The following SDK1 variants were observed in gnomAD, a reference collection of about 807,000 sequenced individuals.
The protein encoded by SDK1 is protein sidekick-1.
In SDK1, 157 loss-of-function variants were observed where a neutral mutation model predicts 245.5. That is an observed-to-expected ratio of 0.64 (90% CI 0.56 to 0.73). The LOEUF is 0.73. Ranked by LOEUF, SDK1 falls within the 30% of genes least tolerant of loss-of-function variation. SDK1 has a pLI of 0.00. For synonymous variants in SDK1, 1,647 were observed against 1,278.5 expected, an observed-to-expected ratio of 1.29 and a Z score of -6.15; for missense variants, 3,583 against 3,002.3, an observed-to-expected ratio of 1.19 and a Z score of -4.52.
intron 4 of SDK1, among the ~76,000 whole-genome samples, chr7:3,796,571 A>G (rs1778966573): frequency 6.6e-6 from 1 of 152,052 alleles, no homozygotes; most frequent in Non-Finnish European, 1.5e-5. Context: ...CTCCACTTTC[A>G]GTACATAGCC....
chr7:3,629,032 C>G (rs539919203), intron 2 of SDK1, among the ~76,000 whole-genome samples: 108 of 152,074 alleles, frequency 7.1e-4, no homozygotes, highest in African/African-American at 2.5e-3. Flanking sequence ...GTGGCTCACA[C>G]CTATAATCCC....
At chr7:3,677,960 G>A (rs1365896588) in intron 4 of SDK1, among the ~76,000 whole-genome samples, 5 of 152,154 alleles carry the variant, frequency 3.3e-5, no homozygotes, top group African/African-American at 1.2e-4. Context: ...AACAAACAAA[G>A]TATTTCCCCA....
intron 44 of SDK1, among the ~76,000 whole-genome samples, chr7:4,260,243 G>A (rs1429260373): frequency 2.1e-5 from 3 of 144,968 alleles, no homozygotes; most frequent in East Asian, 2.1e-4. Context: ...TGTGTTCATC[G>A]TCACCTGATG....
At chr7:4,107,111 CAGGGTGGGGAGGGTGGGGAGGGTGGGG>C (rs545680435) in intron 22 of SDK1, among the ~76,000 whole-genome samples, 2,019 of 31,228 alleles carry the variant, frequency 0.065, 44 homozygotes, top group South Asian at 0.17. Flanking sequence ...TACACACATC[CAGGGTGGGGAGGGTGGGGAGGGTGGGG>C]AGGGTGGGGA....
chr7:3,535,514 A>G (rs938414370), intron 1 of SDK1, among the ~76,000 whole-genome samples: 5 of 152,074 alleles, frequency 3.3e-5, no homozygotes, highest in African/African-American at 4.8e-5. Context: ...CAGTCATACT[A>G]TTCTTTAGTA....
At chr7:4,094,784 C>T (rs1782041486) in intron 22 of SDK1, among the ~76,000 whole-genome samples, 1 of 152,134 alleles carries the variant, frequency 6.6e-6, no homozygotes, top group East Asian at 1.9e-4. Flanking sequence ...TCACTCAAGC[C>T]TAAGACCTGA....
At chr7:3,456,141 C>T (rs1780657780) in intron 1 of SDK1, among the ~76,000 whole-genome samples, 2 of 152,186 alleles carry the variant, frequency 1.3e-5, no homozygotes, top group South Asian at 2.1e-4. Context: ...TTGTTTTTCT[C>T]ACTGATTTCA....
intron 4 of SDK1, among the ~76,000 whole-genome samples, chr7:3,740,595 G>C (rs765760773): frequency 6.6e-6 from 1 of 152,176 alleles, no homozygotes; most frequent in Non-Finnish European, 1.5e-5. Flanking sequence ...ATCCCCCTTA[G>C]TGGCTTCAAG....
chr7:3,801,875 T>A (rs917800506), intron 4 of SDK1, among the ~76,000 whole-genome samples: 2 of 152,188 alleles, frequency 1.3e-5, no homozygotes, highest in African/African-American at 4.8e-5. Flanking sequence ...AACATTTGTG[T>A]CTCCCTGAAA....
At position 3,587,457 on chromosome 7, in the gene SDK1, G is replaced by A. The variant is rs537209353; in HGVS notation, c.299-31623G>A. On this transcript the variant is annotated intron_variant, in intron 1 of 44. Transcript: ENST00000404826. ...AGTTCAGGAGTGTTAGAGCCAGAGA[G>A]CCAAGGGTACAGGTTCCAGTATGAG... Among the ~76,000 whole-genome samples the A allele has an allele frequency of 2.6e-3, 398 of 152,164 alleles. 3 individuals carry two copies. The highest frequency in any genetic ancestry group is 9.4e-3 in the African/African-American group (389 of 41,498).
intron 40 of SDK1, among the ~76,000 whole-genome samples, chr7:4,225,585 C>A (rs1015447425): frequency 6.6e-6 from 1 of 152,196 alleles, no homozygotes. Context: ...GCCGGCTGCA[C>A]GAAGGGAACA....
intron 40 of SDK1, among the ~76,000 whole-genome samples, chr7:4,231,972 G>A (rs995644607): frequency 2.7e-5 from 4 of 150,866 alleles, no homozygotes; most frequent in Non-Finnish European, 5.9e-5. Context: ...TCTCATAGCT[G>A]CACCTAGAAA....
chr7:4,264,110 C>G (rs113135352), intron 44 of SDK1, among the ~76,000 whole-genome samples: 1,218 of 71,476 alleles, frequency 0.017, no homozygotes, highest in Non-Finnish European at 0.021. Context: ...CCGCGTAGAC[C>G]TCTCCTGAGT....
At chr7:4,058,880 A>T (rs137952184) in intron 19 of SDK1, among the ~76,000 whole-genome samples, 2 of 152,200 alleles carry the variant, frequency 1.3e-5, no homozygotes, top group Non-Finnish European at 2.9e-5. Context: ...TGAAAGAACA[A>T]TATCTACCAT....
At chr7:3,358,429 GT>G (rs10713399) in intron 1 of SDK1, among the ~76,000 whole-genome samples, 51,733 of 145,904 alleles carry the variant, frequency 0.35, 8,966 homozygotes, top group African/African-American at 0.41. Context: ...TCATTACAAC[GT>G]TTTTTTTTTT....
intron 4 of SDK1, among the ~76,000 whole-genome samples, chr7:3,798,071 C>G (rs56403834): frequency 1.3e-5 from 2 of 151,970 alleles, no homozygotes; most frequent in South Asian, 2.1e-4. Context: ...GTACCATTTA[C>G]TAGAGCCTTT....
chr7:3,997,937 G>A (rs1363150804), intron 14 of SDK1, among the ~76,000 whole-genome samples: 3 of 152,216 alleles, frequency 2.0e-5, no homozygotes, highest in Non-Finnish European at 4.4e-5. Flanking sequence ...AGCAGTGAGA[G>A]CAGGCACTTC....
At chr7:4,213,142 A>G (rs140426996) in intron 38 of SDK1, among the ~76,000 whole-genome samples, 5,284 of 152,086 alleles carry the variant, frequency 0.035, 138 homozygotes, top group South Asian at 0.066. Flanking sequence ...GGCTGGGTGC[A>G]GTGGCTCACA....
Position 4,130,009 on chromosome 7 carries a change from G to A in SDK1, c.4041G>A (p.Val1347=), listed in dbSNP as rs7785808. 4.7e-3 allele frequency: 7,540 copies of A among 1,613,590 alleles called. 315 individuals carry two copies. In the African/African-American group the frequency reaches 0.089, roughly 19 times the overall value. Residue 1347 remains valine (V), a synonymous_variant, in exon 27 of 45, where the codon GTG becomes GTA. Coordinates refer to ENST00000404826, the MANE Select transcript of SDK1 (RefSeq NM_152744.4). The part of the protein sequence containing the change: ...SALLAGLRKF[V]LYELQVLAFT... ...TGCTGGCAGGCCTGCGCAAGTTCGT[G>A]CTCTACGAGCTCCAGGTGCTGGCGT...
Sources: allele counts gnomAD v4.1 joint callset (sites outside exome capture counted in the v4.1 genomes callset), GRCh38; gene constraint gnomAD v4.1.1; transcripts MANE v1.5; gene names NCBI Gene and HGNC (gene_info 2026-07-23, HGNC 2026-07-21).